The following USP6NL variants were observed in gnomAD, a reference collection of about 807,000 sequenced individuals.
The protein encoded by USP6NL is USP6 N-terminal like.
A neutral mutation model predicts 61.9 loss-of-function variants in USP6NL; 26 were observed. That is an observed-to-expected ratio of 0.42 (90% CI 0.31 to 0.58). The LOEUF (loss-of-function observed/expected upper bound fraction) is 0.58, where lower values mean the gene tolerates loss of function less well. USP6NL is among the 20% of genes least tolerant of loss of function. USP6NL has a pLI of 0.16. For missense variants in USP6NL, 1,114 were observed against 1,034.3 expected (o/e 1.08, Z -1.06); for synonymous variants, 432 against 390.1 (o/e 1.11, Z -1.27).
At chr10:11,505,407 A>C (rs1409267405) in intron 6 of USP6NL, among the ~76,000 whole-genome samples, 1 of 152,212 alleles carries the variant, frequency 6.6e-6, no homozygotes, top group Non-Finnish European at 1.5e-5. Context: ...CATTTCACAA[A>C]TGAAAAAATT....
chr10:11,547,783 G>A (rs1054621599), intron 2 of USP6NL, among the ~76,000 whole-genome samples: 30 of 151,934 alleles, frequency 2.0e-4, no homozygotes, highest in Non-Finnish European at 3.8e-4. Flanking sequence ...CTCGTGATCC[G>A]CCCGCCTTGG....
At chr10:11,554,561 C>T (rs1298583529) in intron 2 of USP6NL, among the ~76,000 whole-genome samples, 2 of 152,216 alleles carry the variant, frequency 1.3e-5, no homozygotes, top group East Asian at 3.9e-4. Flanking sequence ...CAATGGAGAA[C>T]CAGAAATAAG....
chr10:11,524,218 C>A (rs951351202), intron 4 of USP6NL, among the ~76,000 whole-genome samples: 5 of 152,028 alleles, frequency 3.3e-5, no homozygotes, highest in Admixed American at 2.0e-4. Flanking sequence ...CCTGTCTCGA[C>A]AAAAACAAAA....
intron 2 of USP6NL, among the ~76,000 whole-genome samples, chr10:11,546,179 T>G (rs1836265062): frequency 1.3e-5 from 2 of 152,202 alleles, no homozygotes; most frequent in Admixed American, 6.5e-5. Context: ...CTTATAACCT[T>G]GCAAATGAAT....
chr10:11,554,375 G>A (rs1313138476), intron 2 of USP6NL, among the ~76,000 whole-genome samples: 1 of 152,160 alleles, frequency 6.6e-6, no homozygotes, highest in East Asian at 1.9e-4. Flanking sequence ...CCATTCACAA[G>A]CACCACAGAC....
intron 2 of USP6NL, among the ~76,000 whole-genome samples, chr10:11,539,759 A>C (rs1289598631): frequency 6.6e-6 from 1 of 152,220 alleles, no homozygotes; most frequent in Non-Finnish European, 1.5e-5. Flanking sequence ...GGTTTGTAAC[A>C]ACTCCTTGCT....
intron 8 of USP6NL, 41 bp downstream of exon 8, chr10:11,493,078 A>C (rs770957232): frequency 6.6e-7 from 1 of 1,507,434 alleles, no homozygotes; most frequent in South Asian, 1.2e-5. Context: ...AAGACTATTT[A>C]TAAATGCGAT....
In USP6NL at chr10:11,491,265, T is replaced by A. The variant is rs1203785755; in HGVS notation, c.495-385A>T. ...ACAATACCCTGCAGGGAAAGGGTGATGTCCTTGGGATGCTGAATATGCTCC... is the reference window on the plus strand; with the variant it reads ...ACAATACCCTGCAGGGAAAGGGTGAAGTCCTTGGGATGCTGAATATGCTCC... On this transcript the variant is annotated intron_variant, in intron 8 of 14. Transcript: ENST00000609104. The surrounding 1 kb of genome is among the most constrained non-coding windows in gnomAD (Gnocchi z 4.7). Among the ~76,000 whole-genome samples, 10 of 152,150 alleles carry A rather than the reference T, an allele frequency of 6.6e-5. No homozygotes were observed. Among genetic ancestry groups the A allele is most frequent in the Non-Finnish European group, 1.2e-4 (8 of 68,030 alleles).
Position 11,520,683 on chromosome 10 carries a change from G to A in USP6NL, c.156-2109C>T, listed in dbSNP as rs1037608441. ...GAATTCCTTTAGGTCAGCAAACTATGGTGCATAGGCCAAATCTGGCCCACT... is the reference window on the plus strand; with the variant it reads ...GAATTCCTTTAGGTCAGCAAACTATAGTGCATAGGCCAAATCTGGCCCACT... On this transcript the variant is annotated intron_variant, in intron 4 of 14. Transcript: ENST00000609104. The surrounding 1 kb of genome is among the most constrained non-coding windows in gnomAD (Gnocchi z 5.2). Among the ~76,000 whole-genome samples, 17 of 152,194 alleles carry A rather than the reference G, an allele frequency of 1.1e-4. No homozygotes were observed. Among genetic ancestry groups the A allele is most frequent in the Non-Finnish European group, 2.1e-4 (14 of 68,032 alleles).
At chr10:11,517,167 TTA>T in intron 5 of USP6NL, among the ~76,000 whole-genome samples, 1 of 152,230 alleles carries the variant, frequency 6.6e-6, no homozygotes. Context: ...CTGCCAGTCT[TTA>T]TGTCAATATA....
rs1398973443 is a variant in USP6NL at position 11,592,150 on chromosome 10, C to T, written c.4+5481G>A. On this transcript the variant is annotated intron_variant, in intron 2 of 14. Transcript: ENST00000609104. The surrounding 1 kb of genome is among the most constrained non-coding windows in gnomAD (Gnocchi z 4.7). The stretch of plus-strand genomic sequence containing the variant: ...GCCTCCCAAAGTATTGGCATTACAG[C>T]CGTGAGCCACCACACTCGGCCTCAG... 1.3e-5 allele frequency among the ~76,000 whole-genome samples: 2 copies of T among 152,150 alleles called. No individual in the cohort carries two copies. The highest frequency in any genetic ancestry group is 4.8e-5 in the African/African-American group (2 of 41,424).
rs1479333970 is a variant in USP6NL at position 11,597,408 on chromosome 10, G to A, written c.4+223C>T. Among the ~76,000 whole-genome samples, 1 of 152,216 alleles carries A rather than the reference G, an allele frequency of 6.6e-6. No homozygotes were observed. The highest frequency in any genetic ancestry group is 2.4e-5 in the African/African-American group (1 of 41,450). ...GAACTAAATCAGCCAAAGAGCTAATGACCAGATTTCCTCATCACATGAAAC... is the reference window on the plus strand; with the variant it reads ...GAACTAAATCAGCCAAAGAGCTAATAACCAGATTTCCTCATCACATGAAAC... On this transcript the variant is annotated intron_variant, in intron 2 of 14. Coordinates refer to ENST00000609104, the MANE Select transcript of USP6NL (RefSeq NM_014688.5). This position sits in a 1 kb window ranked among gnomAD's most constrained non-coding sequence, Gnocchi z 4.6.
intron 2 of USP6NL, among the ~76,000 whole-genome samples, chr10:11,557,691 G>A (rs1052046757): frequency 3.9e-5 from 6 of 152,188 alleles, no homozygotes; most frequent in East Asian, 3.9e-4. Context: ...CAATGTTCAC[G>A]AGTGCATGAG....
intron 6 of USP6NL, among the ~76,000 whole-genome samples, chr10:11,503,831 A>C (rs1834318925): frequency 6.6e-6 from 1 of 152,214 alleles, no homozygotes; most frequent in Admixed American, 6.5e-5. Context: ...CGTGAATCAC[A>C]AAGAGGTTAA....
In USP6NL at chr10:11,591,909, G is replaced by C. The variant is rs192064167; in HGVS notation, c.4+5722C>G. Among the ~76,000 whole-genome samples the C allele has an allele frequency of 6.6e-6, 1 of 152,048 alleles. No homozygotes were observed. The highest frequency in any genetic ancestry group is 1.5e-5 in the Non-Finnish European group (1 of 68,002). Reference sequence around the variant, plus strand: ...ATTTTTGAGACAGTCTCACTCTGTCGCCTGGGCTGGAGTGCAGTGGCTCAA... The same window carrying C: ...ATTTTTGAGACAGTCTCACTCTGTCCCCTGGGCTGGAGTGCAGTGGCTCAA... On this transcript the variant is annotated intron_variant, in intron 2 of 14. Transcript: ENST00000609104. The surrounding 1 kb of genome is among the most constrained non-coding windows in gnomAD (Gnocchi z 4.7).
intron 7 of USP6NL, among the ~76,000 whole-genome samples, chr10:11,498,309 T>C (rs1290978229): frequency 7.1e-6 from 1 of 141,080 alleles, no homozygotes; most frequent in Non-Finnish European, 1.5e-5. Context: ...TGAGCCACAC[T>C]AAGGCTGTGG....
In USP6NL at chr10:11,583,065, T is replaced by C. The variant is rs1837839186; in HGVS notation, c.4+14566A>G. ...GATTAAATTACAATTGAGATGATTC[T>C]TGCAAATAAAGGATGACAGGAGAGT... On this transcript the variant is annotated intron_variant, in intron 2 of 14. Transcript: ENST00000609104. 2.6e-5 allele frequency among the ~76,000 whole-genome samples: 4 copies of C among 151,576 alleles called. No individual in the cohort carries two copies. The South Asian group carries it at 8.4e-4, about 32-fold the overall frequency.
chr10:11,494,658 G>A (rs79612053), intron 7 of USP6NL, among the ~76,000 whole-genome samples: 1 of 152,186 alleles, frequency 6.6e-6, no homozygotes, highest in African/African-American at 2.4e-5. Flanking sequence ...GTCATCTCCA[G>A]TGATAGGTAA....
chr10:11,502,752 A>G (rs1834257084), intron 6 of USP6NL, among the ~76,000 whole-genome samples: 1 of 152,256 alleles, frequency 6.6e-6, no homozygotes, highest in Admixed American at 6.5e-5. Flanking sequence ...AACTTTTATT[A>G]TAAAACAGTG....
Sources: gnomAD v4.1 joint callset for allele counts (sites outside exome capture counted in the v4.1 genomes callset) on GRCh38, gnomAD v4.1.1 for gene constraint, Gnocchi (gnomAD v3.1) non-coding constraint, MANE v1.5 for transcripts, NCBI Gene and HGNC (gene_info 2026-07-23, HGNC 2026-07-21) for gene names.